Variants in BAX observed in about 807,000 individuals in gnomAD.
BAX encodes the protein BCL2 associated X, apoptosis regulator.
Under a neutral mutation model 26.8 loss-of-function variants are expected in BAX, and 21 were observed. That is an observed-to-expected ratio of 0.78 (90% CI 0.56 to 1.13). The LOEUF is 1.13. Among genes scored for constraint, BAX ranks in the 50% most tolerant of loss-of-function variants. The pLI is 0.00. For synonymous variants in BAX, 110 were observed against 101.8 expected, an observed-to-expected ratio of 1.08 and a Z score of -0.49; for missense variants, 236 against 254.6, an observed-to-expected ratio of 0.93 and a Z score of 0.50.
At chr19:48,955,998 C>A in intron 3 of BAX, 165 bp downstream of exon 3, 1 of 1,143,582 alleles carries the variant, frequency 8.7e-7, no homozygotes, top group Non-Finnish European at 1.2e-6. Flanking sequence ...GATCTTAAAA[C>A]CCTCCTTCAG....
At position 48,960,879 on chromosome 19, in the gene BAX, C is replaced by T. The variant is rs375752615; in HGVS notation, c.439C>T (p.Arg147Trp). 71 of 1,614,016 alleles carry T rather than the reference C, an allele frequency of 4.4e-5. No homozygotes were observed. The highest frequency in any genetic ancestry group is 5.6e-5 in the Non-Finnish European group (66 of 1,180,030). Reference sequence around the variant, plus strand: ...CTGGACATTGGACTTCCTCCGGGAGCGGCTGTTGGGCTGGATCCAAGACCA... The same window carrying T: ...CTGGACATTGGACTTCCTCCGGGAGTGGCTGTTGGGCTGGATCCAAGACCA... ...MGWTLDFLRERLLGWIQDQGG... is the reference protein window; with the variant it reads ...MGWTLDFLREWLLGWIQDQGG... Residue 147 changes from arginine (R) to tryptophan (W), a missense_variant, in exon 5 of 6, where the codon CGG becomes TGG. Coordinates refer to ENST00000345358, the MANE Select transcript of BAX (RefSeq NM_138761.4).
At chr19:48,956,819 C>CTTTTTTTTTTTTTTT (rs56251427) in intron 4 of BAX, among the ~76,000 whole-genome samples, 1 of 87,388 alleles carries the variant, frequency 1.1e-5, no homozygotes, top group Non-Finnish European at 2.1e-5. Flanking sequence ...TTATCCCTGG[C>CTTTTTTTTTTTTTTT]TTTTTTTTTT....
At chr19:48,960,120 G>A (rs186991772) in intron 4 of BAX, 41 of 373,232 alleles carry the variant, frequency 1.1e-4, no homozygotes, top group African/African-American at 8.3e-4. Context: ...CATCCTGAGG[G>A]TACTGGGGAG....
At chr19:48,960,972 C>A (rs753795347) in intron 5 of BAX, 58 bp downstream of exon 5, 1 of 1,612,768 alleles carries the variant, frequency 6.2e-7, no homozygotes. Context: ...CGCCCCTGCC[C>A]CACCGTCCCT....
intron 4 of BAX, 40 bp from the exon 5 acceptor site, chr19:48,960,770 G>A: frequency 6.5e-7 from 1 of 1,528,926 alleles, no homozygotes; most frequent in East Asian, 2.3e-5. Flanking sequence ...AGGCAGTGGG[G>A]ACAAGGTTCA....
At chr19:48,960,663 A>T in intron 4 of BAX, 147 bp from the exon 5 acceptor site, 1 of 741,450 alleles carries the variant, frequency 1.3e-6, no homozygotes, top group South Asian at 1.7e-5. Context: ...GCACCTGGCC[A>T]TGTTTACAAT....
At chr19:48,961,250 CTT>C (rs371491785) in intron 5 of BAX, 1,581 of 1,185,244 alleles carry the variant, frequency 1.3e-3, no homozygotes, top group South Asian at 3.1e-3. Context: ...TAGCTCTTTC[CTT>C]TTTTTTTTTT....
intron 1 of BAX, 159 bp from the exon 2 acceptor site, chr19:48,955,389 G>C: frequency 2.6e-6 from 2 of 755,618 alleles, no homozygotes; most frequent in Non-Finnish European, 4.1e-6. Context: ...CTCCATCAGG[G>C]ACTCAGTTGT....
intron 4 of BAX, chr19:48,960,274 A>G (rs930073432): frequency 3.4e-5 from 15 of 438,204 alleles, no homozygotes; most frequent in African/African-American, 3.1e-4. Context: ...GCTCACTGCA[A>G]CCTCTGCCTC....
chr19:48,956,125 G>T, intron 3 of BAX, 73 bp from the exon 4 acceptor site: 1 of 1,438,680 alleles, frequency 7.0e-7, no homozygotes, highest in Non-Finnish European at 9.2e-7. Context: ...TCTTTAGTGT[G>T]CGGTGGATGC....
intron 2 of BAX, 23 bp from the exon 3 acceptor site, chr19:48,955,664 C>T (rs1240903621): frequency 7.4e-6 from 12 of 1,611,896 alleles, no homozygotes; most frequent in East Asian, 2.2e-5. Flanking sequence ...TGATTCTGCA[C>T]CCTCACTCCA....
intron 4 of BAX, among the ~76,000 whole-genome samples, chr19:48,957,785 G>A (rs1413308050): frequency 6.6e-6 from 1 of 152,176 alleles, no homozygotes; most frequent in Non-Finnish European, 1.5e-5. Context: ...TAAACCCATA[G>A]TAAGGTCAAA....
intron 3 of BAX, 58 bp downstream of exon 3, chr19:48,955,891 T>C (rs2038109623): frequency 1.3e-6 from 2 of 1,509,408 alleles, no homozygotes; most frequent in Non-Finnish European, 1.8e-6. Context: ...GACACAGGAC[T>C]CTCAGCCCCG....
intron 3 of BAX, 104 bp downstream of exon 3, chr19:48,955,937 C>A (rs528977313): frequency 1.7e-5 from 24 of 1,386,142 alleles, no homozygotes; most frequent in Non-Finnish European, 1.5e-5. Flanking sequence ...GGAGTCTGGG[C>A]CCCACAACTC....
Position 48,955,796 on chromosome 19 carries a change from A to G in BAX, c.196A>G (p.Ile66Val), listed in dbSNP as rs530123745. ...GAAGCTGAGCGAGTGTCTCAAGCGC[A>G]TCGGGGACGAACTGGACAGTAACAT... Reference protein sequence around the residue: ...TKKLSECLKRIGDELDSNMEL... With the variant: ...TKKLSECLKRVGDELDSNMEL... Residue 66 changes from isoleucine to valine, a missense_variant, in exon 3 of 6, where the codon ATC becomes GTC. Ile to Val is a conservative substitution (Grantham distance 29). Coordinates refer to ENST00000345358, the MANE Select transcript of BAX (RefSeq NM_138761.4). The G allele has an allele frequency of 2.5e-6, 4 of 1,611,348 alleles. No individual in the cohort carries two copies. The East Asian group carries it at 6.7e-5, about 27-fold the overall frequency.
At chr19:48,961,368 T>C in intron 5 of BAX, 164 bp from the exon 6 acceptor site, 1 of 1,218,934 alleles carries the variant, frequency 8.2e-7, no homozygotes, top group Non-Finnish European at 1.1e-6. Context: ...ATTACAGGTG[T>C]GAGCCACCAT....
chr19:48,961,065 G>A lies in BAX; in HGVS notation c.474+151G>A, dbSNP rs929319102. ...TCTCCCCATCTTCAGATCATCAGATGTGGTCTATAATGCGTTTTCCTTACG... is the reference window on the plus strand; with the variant it reads ...TCTCCCCATCTTCAGATCATCAGATATGGTCTATAATGCGTTTTCCTTACG... On this transcript the variant is annotated intron_variant, in intron 5 of 5. Transcript: ENST00000345358. The A allele has an allele frequency of 4.4e-6, 7 of 1,608,398 alleles. 1 individual carries two copies. The highest frequency in any genetic ancestry group is 5.9e-6 in the Non-Finnish European group (7 of 1,179,288).
chr19:48,955,886 A>G (rs2038109241), intron 3 of BAX, 53 bp downstream of exon 3: 4 of 1,519,580 alleles, frequency 2.6e-6, no homozygotes, highest in Non-Finnish European at 3.5e-6. Context: ...TTCAGGACAC[A>G]GGACTCTCAG....
intron 4 of BAX, among the ~76,000 whole-genome samples, chr19:48,957,953 G>A (rs1468485336): frequency 6.6e-6 from 1 of 152,068 alleles, no homozygotes; most frequent in Non-Finnish European, 1.5e-5. Context: ...GGGGGTGGTG[G>A]TGAAATGCTC....
Sources: allele counts gnomAD v4.1 joint callset (sites outside exome capture counted in the v4.1 genomes callset), GRCh38; gene constraint gnomAD v4.1.1; transcripts MANE v1.5; gene names NCBI Gene and HGNC (gene_info 2026-07-23, HGNC 2026-07-21).